The following TACR1 variants were observed in gnomAD, a reference collection of about 807,000 sequenced individuals.
TACR1 encodes the protein tachykinin receptor 1.
In TACR1, 25 loss-of-function variants were observed where a neutral mutation model predicts 35.8. The ratio of observed to expected loss-of-function variants is 0.70; its 90% confidence interval spans 0.51 to 0.98. The LOEUF (loss-of-function observed/expected upper bound fraction) is 0.98. Ranked by LOEUF, TACR1 falls within the 50% of genes least tolerant of loss-of-function variation. The pLI is 0.00. For synonymous variants in TACR1, 195 were observed against 206.7 expected (o/e 0.94, Z 0.48); for missense variants, 478 against 522.9 (o/e 0.91, Z 0.84).
chr2:75,115,533 C>T (rs888085016), intron 2 of TACR1, among the ~76,000 whole-genome samples: 1 of 151,908 alleles, frequency 6.6e-6, no homozygotes, highest in Non-Finnish European at 1.5e-5. Flanking sequence ...AATAGCAAAC[C>T]GTTGAAGACA....
chr2:75,143,514 A>C (rs745404622), intron 1 of TACR1, among the ~76,000 whole-genome samples: 1 of 152,204 alleles, frequency 6.6e-6, no homozygotes, highest in Non-Finnish European at 1.5e-5. Context: ...GTGTGTAGGC[A>C]TTGTCTGAAA....
At chr2:75,050,923 C>CT (rs1672451059) in intron 4 of TACR1, 1 of 348,344 alleles carries the variant, frequency 2.9e-6, no homozygotes, top group South Asian at 2.8e-5. Context: ...CTGGATCCAG[C>CT]TTGCAGACCT....
chr2:75,050,981 C>T (rs1672452468), intron 4 of TACR1: 1 of 475,726 alleles, frequency 2.1e-6, no homozygotes, highest in Non-Finnish European at 3.8e-6. Flanking sequence ...CCACTAGCTG[C>T]CAGTATTTAT....
At chr2:75,111,882 T>C (rs1181189385) in intron 2 of TACR1, among the ~76,000 whole-genome samples, 1 of 151,812 alleles carries the variant, frequency 6.6e-6, no homozygotes, top group Non-Finnish European at 1.5e-5. Context: ...GAGAGAAACC[T>C]TTTCCTAATT....
intron 1 of TACR1, among the ~76,000 whole-genome samples, chr2:75,179,949 GTCT>G (rs1423659345): frequency 6.6e-6 from 1 of 152,134 alleles, no homozygotes; most frequent in Non-Finnish European, 1.5e-5. Context: ...AATAATTGTG[GTCT>G]ATATGGCCTT....
At chr2:75,128,785 C>G (rs1674126207) in intron 1 of TACR1, among the ~76,000 whole-genome samples, 2 of 152,166 alleles carry the variant, frequency 1.3e-5, no homozygotes, top group Non-Finnish European at 2.9e-5. Flanking sequence ...TGTTAGGTAG[C>G]TCACAACATT....
At chr2:75,121,608 A>G (rs1279491394) in intron 1 of TACR1, among the ~76,000 whole-genome samples, 1 of 152,216 alleles carries the variant, frequency 6.6e-6, no homozygotes, top group African/African-American at 2.4e-5. Context: ...GATTTGAAGG[A>G]TAAGTATTTC....
intron 1 of TACR1, among the ~76,000 whole-genome samples, chr2:75,181,568 C>T (rs976915491): frequency 1.3e-5 from 2 of 152,108 alleles, no homozygotes; most frequent in Non-Finnish European, 2.9e-5. Context: ...ATGAAATAAA[C>T]GATGAATTCA....
chr2:75,175,339 A>C (rs1675386677), intron 1 of TACR1, among the ~76,000 whole-genome samples: 2 of 152,210 alleles, frequency 1.3e-5, no homozygotes, highest in South Asian at 4.2e-4. Context: ...GAAAAATCTT[A>C]TAATTACCCA....
chr2:75,196,110 C>CAA (rs1291333964), intron 1 of TACR1, among the ~76,000 whole-genome samples: 4 of 152,128 alleles, frequency 2.6e-5, no homozygotes, highest in Non-Finnish European at 5.9e-5. Flanking sequence ...TTTTTAAAGA[C>CAA]TTGATTCAAA....
In TACR1 at chr2:75,106,081, C is replaced by G. The variant is rs373417185; in HGVS notation, c.584+14493G>C. 4.2e-4 allele frequency among the ~76,000 whole-genome samples: 64 copies of G among 152,060 alleles called. 1 individual carries two copies. Among genetic ancestry groups the G allele is most frequent in the South Asian group, 3.7e-3 (18 of 4,826 alleles). On this transcript the variant is annotated intron_variant, in intron 2 of 4. Transcript: ENST00000305249. ...TGTACTATACTATCAGACATAAATA[C>G]TAAGAAAAACTGAGTGTGGAGTATC...
At chr2:75,193,324 G>T (rs1307774734) in intron 1 of TACR1, among the ~76,000 whole-genome samples, 1 of 152,200 alleles carries the variant, frequency 6.6e-6, no homozygotes, top group Admixed American at 6.5e-5. Flanking sequence ...ATGGACGGAT[G>T]GATGAGGAAA....
chr2:75,094,948 C>T (rs11675360), intron 2 of TACR1, among the ~76,000 whole-genome samples: 1,706 of 150,590 alleles, frequency 0.011, 14 homozygotes, highest in Non-Finnish European at 0.018. Flanking sequence ...AATTCACTCA[C>T]AGCAGTAGCC....
At chr2:75,113,047 G>A (rs755395131) in intron 2 of TACR1, among the ~76,000 whole-genome samples, 12 of 152,144 alleles carry the variant, frequency 7.9e-5, no homozygotes, top group Non-Finnish European at 1.3e-4. Flanking sequence ...ATATTGTTCT[G>A]TGCTCTTGAA....
intron 1 of TACR1, among the ~76,000 whole-genome samples, chr2:75,136,611 A>T (rs1674296644): frequency 6.6e-6 from 1 of 152,138 alleles, no homozygotes; most frequent in Non-Finnish European, 1.5e-5. Context: ...TTCCTGCCTC[A>T]TCTTACAGCA....
intron 2 of TACR1, among the ~76,000 whole-genome samples, chr2:75,102,397 G>A (rs1248112466): frequency 6.6e-6 from 1 of 152,138 alleles, no homozygotes; most frequent in Non-Finnish European, 1.5e-5. Flanking sequence ...GGAACTAACT[G>A]ATACACGATC....
chr2:75,146,048 G>A lies in TACR1; in HGVS notation c.390-25280C>T, dbSNP rs568899389. Reference sequence around the variant, plus strand: ...CATTCACAAGGAATGCCAGGACAGAGCGGGCAGTAAAGGAGGGGTGGTATA... The same window carrying A: ...CATTCACAAGGAATGCCAGGACAGAACGGGCAGTAAAGGAGGGGTGGTATA... On this transcript the variant is annotated intron_variant, in intron 1 of 4. Coordinates refer to ENST00000305249, the MANE Select transcript of TACR1 (RefSeq NM_001058.4). Among the ~76,000 whole-genome samples the A allele has an allele frequency of 4.3e-4, 65 of 152,334 alleles. No individual in the cohort carries two copies. In the South Asian group the frequency reaches 0.011, roughly 26 times the overall value.
At chr2:75,164,067 A>C (rs1025465252) in intron 1 of TACR1, among the ~76,000 whole-genome samples, 21 of 152,054 alleles carry the variant, frequency 1.4e-4, no homozygotes, top group Admixed American at 9.2e-4. Context: ...GTGGTTCACA[A>C]CTGTAATCCC....
At chr2:75,173,981 C>T (rs1268054196) in intron 1 of TACR1, among the ~76,000 whole-genome samples, 1 of 152,202 alleles carries the variant, frequency 6.6e-6, no homozygotes, top group East Asian at 1.9e-4. Context: ...GGGCTAATTA[C>T]AACACTGCAG....
Sources: allele counts gnomAD v4.1 joint callset (sites outside exome capture counted in the v4.1 genomes callset), GRCh38; gene constraint gnomAD v4.1.1; transcripts MANE v1.5; gene names NCBI Gene and HGNC (gene_info 2026-07-23, HGNC 2026-07-21).